Variants in SND1 observed in about 807,000 individuals in gnomAD.
SND1 encodes the protein staphylococcal nuclease domain-containing protein 1.
In SND1, 38 loss-of-function variants were observed where a neutral mutation model predicts 121.7. That is an observed-to-expected ratio of 0.31 (90% confidence interval 0.24 to 0.41). SND1 has a LOEUF of 0.41. SND1 is among the 10% of genes least tolerant of loss of function. The pLI is 1.00. For missense variants in SND1, 868 were observed against 1,184.6 expected (o/e 0.73, Z 3.92); for synonymous variants, 401 against 447.4 (o/e 0.90, Z 1.31).
chr7:127,685,531 C>T (rs997838520), intron 1 of SND1, among the ~76,000 whole-genome samples: 4 of 152,196 alleles, frequency 2.6e-5, no homozygotes, highest in Non-Finnish European at 4.4e-5. Context: ...TAGCTTGGGT[C>T]GTTTTTCCCT....
At chr7:127,903,803 C>T (rs916364950) in intron 13 of SND1, among the ~76,000 whole-genome samples, 3 of 152,172 alleles carry the variant, frequency 2.0e-5, no homozygotes, top group Non-Finnish European at 4.4e-5. Flanking sequence ...GGGTCCCTGA[C>T]ATTTGGCCCT....
intron 15 of SND1, among the ~76,000 whole-genome samples, chr7:127,934,610 G>A (rs1322715223): frequency 6.6e-6 from 1 of 152,124 alleles, no homozygotes; most frequent in Non-Finnish European, 1.5e-5. Flanking sequence ...TTGGTCAGGA[G>A]TGGGGGGTGG....
intron 16 of SND1, among the ~76,000 whole-genome samples, chr7:127,994,878 A>T (rs1037234236): frequency 6.8e-6 from 1 of 147,102 alleles, no homozygotes; most frequent in African/African-American, 2.5e-5. Flanking sequence ...TGCTCGGCTA[A>T]TTTTTTTTTT....
chr7:127,849,631 C>T lies in SND1; in HGVS notation c.1343+5207C>T, dbSNP rs558087651. Among the ~76,000 whole-genome samples the T allele has an allele frequency of 1.3e-5, 2 of 152,124 alleles. 1 individual carries two copies. The highest frequency in any genetic ancestry group is 2.9e-5 in the Non-Finnish European group (2 of 68,028). ...TATTTCAGGATGATAGGAAACAATA[C>T]ACATGGCCCATTTTGTGAAAGTTAA... is the stretch of plus-strand genomic sequence containing the variant. On this transcript the variant is annotated intron_variant, in intron 12 of 23. Coordinates refer to ENST00000354725, the MANE Select transcript of SND1 (RefSeq NM_014390.4).
intron 16 of SND1, among the ~76,000 whole-genome samples, chr7:128,021,493 AG>A (rs1307555497): frequency 6.6e-6 from 1 of 152,228 alleles, no homozygotes; most frequent in Non-Finnish European, 1.5e-5. Context: ...GGGCAGGTAA[AG>A]GGAGGAAGCC....
At chr7:128,086,262 T>C (rs1021004690) in intron 20 of SND1, among the ~76,000 whole-genome samples, 1 of 152,242 alleles carries the variant, frequency 6.6e-6, no homozygotes, top group Admixed American at 6.5e-5. Context: ...TGGGAGTCTG[T>C]TGACAACTCC....
At chr7:127,910,115 GA>G (rs1295626282) in intron 14 of SND1, among the ~76,000 whole-genome samples, 2 of 152,012 alleles carry the variant, frequency 1.3e-5, no homozygotes, top group African/African-American at 4.8e-5. Context: ...GGAAGCATAA[GA>G]AAAAAATTAT....
At chr7:127,925,279 G>T (rs1053936123) in intron 14 of SND1, among the ~76,000 whole-genome samples, 2 of 152,220 alleles carry the variant, frequency 1.3e-5, no homozygotes, top group African/African-American at 4.8e-5. Flanking sequence ...GACTTCTCTT[G>T]TCAGAAATCC....
chr7:127,894,647 A>G (rs1055599565), intron 13 of SND1, among the ~76,000 whole-genome samples: 1 of 152,110 alleles, frequency 6.6e-6, no homozygotes, highest in Non-Finnish European at 1.5e-5. Flanking sequence ...CATTGAATTT[A>G]TGTGTTTTGA....
intron 12 of SND1, among the ~76,000 whole-genome samples, chr7:127,874,095 G>C (rs982815034): frequency 2.0e-5 from 3 of 152,122 alleles, no homozygotes; most frequent in Admixed American, 6.5e-5. Context: ...GGACACCACT[G>C]TAAATGAAAT....
intron 16 of SND1, among the ~76,000 whole-genome samples, chr7:128,024,499 C>A (rs1208439356): frequency 6.6e-6 from 1 of 152,192 alleles, no homozygotes; most frequent in African/African-American, 2.4e-5. Context: ...GAGTAAGGCC[C>A]ACTTAGCCCT....
intron 1 of SND1, among the ~76,000 whole-genome samples, chr7:127,683,398 G>A (rs1239091468): frequency 6.6e-6 from 1 of 152,068 alleles, no homozygotes; most frequent in Admixed American, 6.5e-5. Flanking sequence ...TTGATTTTTA[G>A]TAGAGATGAG....
intron 15 of SND1, among the ~76,000 whole-genome samples, chr7:127,932,554 T>G (rs1453420076): frequency 6.6e-6 from 1 of 152,244 alleles, no homozygotes; most frequent in African/African-American, 2.4e-5. Flanking sequence ...TTTGAGAGAA[T>G]GGACTCTAAT....
At chr7:127,834,434 TCCAAAACAATGACTGTAAATC>T (rs1316306171) in intron 11 of SND1, among the ~76,000 whole-genome samples, 1 of 152,198 alleles carries the variant, frequency 6.6e-6, no homozygotes, top group Non-Finnish European at 1.5e-5. Flanking sequence ...TTCACTGTTT[TCCAAAACAATGACTGTAAATC>T]AAGAGACCTG....
At chr7:127,803,895 A>G (rs954127962) in intron 10 of SND1, among the ~76,000 whole-genome samples, 2 of 152,236 alleles carry the variant, frequency 1.3e-5, no homozygotes, top group Non-Finnish European at 2.9e-5. Flanking sequence ...CTCTAATGTG[A>G]GTCATTGCAG....
intron 14 of SND1, among the ~76,000 whole-genome samples, chr7:127,905,374 A>G (rs377438571): frequency 1.3e-5 from 2 of 152,154 alleles, no homozygotes; most frequent in East Asian, 3.9e-4. Flanking sequence ...CTGTGTCCAA[A>G]TGTTTCTTTA....
intron 1 of SND1, among the ~76,000 whole-genome samples, chr7:127,681,684 T>C (rs1005364810): frequency 7.9e-5 from 12 of 152,194 alleles, no homozygotes; most frequent in Non-Finnish European, 1.6e-4. Context: ...GAGGGCCAAC[T>C]TCATTCTTTT....
intron 1 of SND1, among the ~76,000 whole-genome samples, chr7:127,679,764 G>A (rs1414593594): frequency 2.6e-5 from 4 of 152,100 alleles, no homozygotes; most frequent in Non-Finnish European, 4.4e-5. Flanking sequence ...CAATCAGTAC[G>A]CAATCTCTTT....
In SND1 at chr7:127,694,965, G is replaced by A. The variant is rs368964421; in HGVS notation, c.349+17G>A. 2 of 1,605,746 alleles carry A rather than the reference G, an allele frequency of 1.2e-6. No homozygotes were observed. The highest frequency in any genetic ancestry group is 1.3e-5 in the African/African-American group (1 of 74,490). On this transcript the variant is annotated intron_variant, in intron 3 of 23. Coordinates refer to ENST00000354725, the MANE Select transcript of SND1 (RefSeq NM_014390.4). ...TTGGAAAAGGTGAGCTGCAGGGAGAGGACTCATTTCTCTCAAGTCTAAAGT... is the reference window on the plus strand; with the variant it reads ...TTGGAAAAGGTGAGCTGCAGGGAGAAGACTCATTTCTCTCAAGTCTAAAGT...
Sources: gnomAD v4.1 joint callset for allele counts (sites outside exome capture counted in the v4.1 genomes callset) on GRCh38, gnomAD v4.1.1 for gene constraint, MANE v1.5 for transcripts, NCBI Gene and HGNC (gene_info 2026-07-23, HGNC 2026-07-21) for gene names.